The following ATRNL1 variants were observed in gnomAD, a reference collection of about 807,000 sequenced individuals.
ATRNL1 encodes the protein attractin-like protein 1.
ATRNL1 carries 95 observed loss-of-function variants against 182.7 expected under a neutral mutation model. The ratio of observed to expected loss-of-function variants is 0.52; its 90% confidence interval spans 0.44 to 0.62. The LOEUF (loss-of-function observed/expected upper bound fraction) is 0.62. Among genes scored for constraint, ATRNL1 ranks in the 20% least tolerant of loss-of-function variants. ATRNL1 has a pLI of 0.00. For missense variants in ATRNL1, 1,471 were observed against 1,679.5 expected (o/e 0.88, Z 2.17); for synonymous variants, 576 against 568.3 (o/e 1.01, Z -0.19).
At chr10:115,664,629 A>T (rs11197395) in intron 26 of ATRNL1, among the ~76,000 whole-genome samples, 1,764 of 152,254 alleles carry the variant, frequency 0.012, 35 homozygotes, top group African/African-American at 0.04. Context: ...GTCTATTTTT[A>T]TCAAGGTTTA....
chr10:115,515,610 T>G (rs1233117063), intron 24 of ATRNL1, among the ~76,000 whole-genome samples: 1 of 151,956 alleles, frequency 6.6e-6, no homozygotes, highest in Non-Finnish European at 1.5e-5. Context: ...GTTCTATGGA[T>G]TAAAAATATA....
intron 26 of ATRNL1, among the ~76,000 whole-genome samples, chr10:115,562,694 T>G (rs1328679434): frequency 6.6e-6 from 1 of 152,160 alleles, no homozygotes; most frequent in East Asian, 1.9e-4. Context: ...CACTGGGCAC[T>G]CATTCTCTCT....
chr10:115,932,674 G>A (rs1953437531), intron 28 of ATRNL1, among the ~76,000 whole-genome samples: 2 of 151,940 alleles, frequency 1.3e-5, no homozygotes, highest in African/African-American at 4.8e-5. Context: ...TTTTGACTTT[G>A]CAGAGATCAT....
At chr10:115,238,393 CTCTT>C (rs1850273447) in intron 9 of ATRNL1, among the ~76,000 whole-genome samples, 1 of 152,136 alleles carries the variant, frequency 6.6e-6, no homozygotes, top group Non-Finnish European at 1.5e-5. Flanking sequence ...CATGTACTAT[CTCTT>C]TATTTATTTA....
chr10:115,273,917 C>A (rs1851985457), intron 13 of ATRNL1, among the ~76,000 whole-genome samples: 1 of 152,176 alleles, frequency 6.6e-6, no homozygotes, highest in Admixed American at 6.6e-5. Flanking sequence ...GCATACCCAA[C>A]CTCATGGGTT....
At chr10:115,120,524 G>A (rs1346321492) in intron 2 of ATRNL1, among the ~76,000 whole-genome samples, 1 of 151,602 alleles carries the variant, frequency 6.6e-6, no homozygotes, top group African/African-American at 2.4e-5. Context: ...CATTTTTTTG[G>A]TTTATTTTGA....
intron 28 of ATRNL1, among the ~76,000 whole-genome samples, chr10:115,914,975 A>G (rs1024188824): frequency 6.6e-5 from 10 of 152,246 alleles, no homozygotes; most frequent in Admixed American, 5.2e-4. Flanking sequence ...AATACAATAT[A>G]TGGTTAGTAA....
At chr10:115,909,921 C>T (rs1952622790) in intron 28 of ATRNL1, among the ~76,000 whole-genome samples, 2 of 152,096 alleles carry the variant, frequency 1.3e-5, no homozygotes, top group African/African-American at 4.8e-5. Context: ...ACTGAGTCCT[C>T]ATTTTACTCA....
intron 25 of ATRNL1, among the ~76,000 whole-genome samples, chr10:115,528,288 G>T (rs1851368513): frequency 6.6e-6 from 1 of 151,858 alleles, no homozygotes; most frequent in Non-Finnish European, 1.5e-5. Flanking sequence ...TTTGATTACT[G>T]ATTCAATCTC....
At chr10:115,634,382 G>A (rs1858725323) in intron 26 of ATRNL1, among the ~76,000 whole-genome samples, 1 of 152,106 alleles carries the variant, frequency 6.6e-6, no homozygotes, top group South Asian at 2.1e-4. Flanking sequence ...TCAAACAATG[G>A]TGATACATAC....
At chr10:115,892,490 T>C (rs1278703087) in intron 28 of ATRNL1, among the ~76,000 whole-genome samples, 4 of 152,206 alleles carry the variant, frequency 2.6e-5, no homozygotes, top group African/African-American at 7.2e-5. Context: ...ACTTTTTTGT[T>C]ACCTTCTAAT....
intron 17 of ATRNL1, among the ~76,000 whole-genome samples, chr10:115,305,023 CTTCATAATTCTGAGA>C (rs1466239041): frequency 2.0e-5 from 3 of 151,672 alleles, no homozygotes; most frequent in Non-Finnish European, 4.4e-5. Context: ...ATCACAGTAA[CTTCATAATTCTGAGA>C]TCCCTGTTGG....
At chr10:115,880,791 C>A (rs2134439802) in intron 28 of ATRNL1, among the ~76,000 whole-genome samples, 1 of 152,258 alleles carries the variant, frequency 6.6e-6, no homozygotes, top group East Asian at 1.9e-4. Flanking sequence ...TAGTTAAACC[C>A]TTTATGCTCT....
At chr10:115,232,439 C>A (rs1592296048) in intron 9 of ATRNL1, among the ~76,000 whole-genome samples, 1 of 151,940 alleles carries the variant, frequency 6.6e-6, no homozygotes, top group Admixed American at 6.6e-5. Context: ...GTTTGTGTAC[C>A]CTTTTTTGAT....
At chr10:115,643,237 T>G (rs1859375108) in intron 26 of ATRNL1, among the ~76,000 whole-genome samples, 1 of 152,122 alleles carries the variant, frequency 6.6e-6, no homozygotes, top group African/African-American at 2.4e-5. Context: ...AGATAAACCC[T>G]TCAACAAATA....
At chr10:115,130,546 A>G (rs1036392359) in intron 5 of ATRNL1, among the ~76,000 whole-genome samples, 4 of 152,104 alleles carry the variant, frequency 2.6e-5, no homozygotes, top group African/African-American at 9.7e-5. Flanking sequence ...AGGTATGTCA[A>G]CTGCACAAAA....
At chr10:115,917,012 G>A (rs1388245877) in intron 28 of ATRNL1, among the ~76,000 whole-genome samples, 2 of 152,200 alleles carry the variant, frequency 1.3e-5, no homozygotes, top group Admixed American at 6.5e-5. Flanking sequence ...CAAGTGAAGA[G>A]AGCTGCTATA....
At chr10:115,699,649 A>G (rs1422747174) in intron 26 of ATRNL1, among the ~76,000 whole-genome samples, 1 of 152,034 alleles carries the variant, frequency 6.6e-6, no homozygotes, top group Non-Finnish European at 1.5e-5. Flanking sequence ...GAGAACATTT[A>G]TTTGTTTGTT....
chr10:115,554,659 C>T (rs1853208502), intron 26 of ATRNL1, among the ~76,000 whole-genome samples: 1 of 151,254 alleles, frequency 6.6e-6, no homozygotes, highest in Non-Finnish European at 1.5e-5. Flanking sequence ...TAGGGGAGCA[C>T]CTGGATTTAC....
Sources: allele counts gnomAD v4.1 joint callset (sites outside exome capture counted in the v4.1 genomes callset), GRCh38; gene constraint gnomAD v4.1.1; transcripts MANE v1.5; gene names NCBI Gene and HGNC (gene_info 2026-07-23, HGNC 2026-07-21).